The following TAFA4 variants were observed in gnomAD, a reference collection of about 807,000 sequenced individuals.
The protein encoded by TAFA4 is TAFA chemokine like family member 4.
Under a neutral mutation model 21.1 loss-of-function variants are expected in TAFA4, and 20 were observed. The ratio of observed to expected loss-of-function variants is 0.95; its 90% confidence interval spans 0.67 to 1.38. The LOEUF is 1.38. Among genes scored for constraint, TAFA4 ranks in the 40% most tolerant of loss-of-function variants. TAFA4 has a pLI of 0.00. For missense variants in TAFA4, 211 were observed against 180.9 expected, an observed-to-expected ratio of 1.17 and a Z score of -0.95; for synonymous variants, 71 against 67.4, an observed-to-expected ratio of 1.05 and a Z score of -0.26.
chr3:68,840,598 G>C (rs1173927148), intron 3 of TAFA4, among the ~76,000 whole-genome samples: 2 of 152,070 alleles, frequency 1.3e-5, no homozygotes, highest in African/African-American at 4.8e-5. Context: ...CCTTTAGAAG[G>C]TAAATAAAAA....
At chr3:68,830,650 A>G (rs2106877730) in intron 3 of TAFA4, among the ~76,000 whole-genome samples, 1 of 152,326 alleles carries the variant, frequency 6.6e-6, no homozygotes, top group South Asian at 2.1e-4. Context: ...AGTGCTGAGA[A>G]GAATGTATAT....
At chr3:68,897,458 T>C (rs1385132062) in intron 1 of TAFA4, among the ~76,000 whole-genome samples, 5 of 151,770 alleles carry the variant, frequency 3.3e-5, no homozygotes, top group African/African-American at 9.7e-5. Flanking sequence ...AAACCCCATC[T>C]CTACTAAAAA....
intron 1 of TAFA4, among the ~76,000 whole-genome samples, chr3:68,930,316 G>T (rs994326647): frequency 6.6e-6 from 1 of 152,164 alleles, no homozygotes; most frequent in Non-Finnish European, 1.5e-5. Flanking sequence ...AGGGGTTTTT[G>T]TATGTGCTAA....
intron 3 of TAFA4, among the ~76,000 whole-genome samples, chr3:68,824,709 A>C (rs1467341438): frequency 2.0e-5 from 3 of 152,146 alleles, no homozygotes; most frequent in Non-Finnish European, 2.9e-5. Flanking sequence ...CACAGAATGC[A>C]ATGTTTTTGG....
chr3:68,745,730 C>T (rs1193785330), intron 4 of TAFA4, among the ~76,000 whole-genome samples: 1 of 152,132 alleles, frequency 6.6e-6, no homozygotes. Context: ...AAACAGAACA[C>T]AATTATGTAT....
At chr3:68,865,929 A>C (rs1318647597) in intron 3 of TAFA4, among the ~76,000 whole-genome samples, 1 of 152,124 alleles carries the variant, frequency 6.6e-6, no homozygotes, top group African/African-American at 2.4e-5. Flanking sequence ...GCCAAGCACC[A>C]TGTGCAAAAA....
chr3:68,769,652 T>C (rs1702917236), intron 3 of TAFA4, among the ~76,000 whole-genome samples: 1 of 152,202 alleles, frequency 6.6e-6, no homozygotes, highest in African/African-American at 2.4e-5. Flanking sequence ...ACACAATGCA[T>C]ACATGTATCG....
At chr3:68,742,584 G>A (rs529224911) in intron 4 of TAFA4, among the ~76,000 whole-genome samples, 2 of 152,252 alleles carry the variant, frequency 1.3e-5, no homozygotes, top group East Asian at 3.9e-4. Context: ...TTTCAGGGCA[G>A]GGAGGTGAGG....
At chr3:68,909,996 C>T (rs113304271) in intron 1 of TAFA4, among the ~76,000 whole-genome samples, 4,419 of 152,154 alleles carry the variant, frequency 0.029, 189 homozygotes, top group Non-Finnish European at 0.03. Context: ...GGACTGAGAG[C>T]TTCAGGGGTT....
At chr3:68,753,113 T>G in intron 3 of TAFA4, 95 bp from the exon 4 acceptor site, 3 of 1,130,910 alleles carry the variant, frequency 2.7e-6, no homozygotes, top group Non-Finnish European at 3.8e-6. Flanking sequence ...ATTTTCCAAC[T>G]TCCTGTGCTA....
chr3:68,843,069 A>C (rs757504740), intron 3 of TAFA4, among the ~76,000 whole-genome samples: 6 of 152,190 alleles, frequency 3.9e-5, no homozygotes, highest in African/African-American at 7.2e-5. Context: ...TAATTCTGTG[A>C]AGAAAGTCAA....
intron 1 of TAFA4, among the ~76,000 whole-genome samples, chr3:68,910,950 A>G (rs2089955887): frequency 6.6e-6 from 1 of 152,242 alleles, no homozygotes; most frequent in African/African-American, 2.4e-5. Context: ...CTCCTATTAA[A>G]CTACAAAGCA....
chr3:68,737,018 T>C (rs1452960762), intron 5 of TAFA4, among the ~76,000 whole-genome samples: 1 of 152,192 alleles, frequency 6.6e-6, no homozygotes, highest in African/African-American at 2.4e-5. Flanking sequence ...AAAATGCCCC[T>C]AAAGGTTTGC....
intron 4 of TAFA4, among the ~76,000 whole-genome samples, chr3:68,744,257 C>G (rs561318192): frequency 6.6e-6 from 1 of 152,266 alleles, no homozygotes; most frequent in South Asian, 2.1e-4. Context: ...CACCTGGAAG[C>G]CAGCAGACGC....
chr3:68,917,709 G>T, intron 1 of TAFA4, among the ~76,000 whole-genome samples: 1 of 140,186 alleles, frequency 7.1e-6, no homozygotes, highest in South Asian at 2.3e-4. Flanking sequence ...AGCTGAGATC[G>T]CGCCACTGCA....
intron 2 of TAFA4, among the ~76,000 whole-genome samples, chr3:68,881,413 T>A (rs1423302510): frequency 6.6e-6 from 1 of 152,182 alleles, no homozygotes; most frequent in Admixed American, 6.5e-5. Flanking sequence ...ATGGACAGTA[T>A]CAAAACAGTT....
chr3:68,797,974 T>G (rs983830286), intron 3 of TAFA4, among the ~76,000 whole-genome samples: 13 of 152,232 alleles, frequency 8.5e-5, no homozygotes, highest in Non-Finnish European at 1.3e-4. Context: ...CACTACAATT[T>G]TTTAAATGTT....
At chr3:68,838,241 A>AT (rs1332004503) in intron 3 of TAFA4, among the ~76,000 whole-genome samples, 1 of 152,198 alleles carries the variant, frequency 6.6e-6, no homozygotes, top group Admixed American at 6.5e-5. Context: ...TCTAACTGAA[A>AT]TTTTGTACAG....
intron 4 of TAFA4, among the ~76,000 whole-genome samples, chr3:68,746,372 G>C (rs565195474): frequency 2.6e-5 from 4 of 152,062 alleles, no homozygotes; most frequent in African/African-American, 4.8e-5. Flanking sequence ...CGTCCCTCTA[G>C]AGAACCCTAA....
Sources: gnomAD v4.1 joint callset for allele counts (sites outside exome capture counted in the v4.1 genomes callset) on GRCh38, gnomAD v4.1.1 for gene constraint, MANE v1.5 for transcripts, NCBI Gene and HGNC (gene_info 2026-07-23, HGNC 2026-07-21) for gene names.